Variants in TG observed in about 807,000 individuals in gnomAD.
TG encodes thyroglobulin.
Under a neutral mutation model 324.7 loss-of-function variants are expected in TG, and 270 were observed. The observed-to-expected ratio is 0.83, with a 90% confidence interval of 0.75 to 0.92. The LOEUF (loss-of-function observed/expected upper bound fraction) is 0.92, where lower values mean the gene tolerates loss of function less well. Ranked by LOEUF, TG falls within the 40% of genes least tolerant of loss-of-function variation. The pLI is 0.00. For missense variants in TG, 3,591 were observed against 3,456.4 expected, an observed-to-expected ratio of 1.04 and a Z score of -0.98; for synonymous variants, 1,401 against 1,327.0, an observed-to-expected ratio of 1.06 and a Z score of -1.21.
At chr8:133,132,340 A>G (rs570145958) in intron 46 of TG, among the ~76,000 whole-genome samples, 13 of 152,292 alleles carry the variant, frequency 8.5e-5, no homozygotes, top group Non-Finnish European at 1.2e-4. Context: ...AGAACCAAGC[A>G]TGTCGAATGT....
intron 41 of TG, chr8:133,050,540 T>G: frequency 2.8e-6 from 1 of 357,300 alleles, no homozygotes; most frequent in East Asian, 5.3e-5. Flanking sequence ...TGGTGGGAGA[T>G]AAGAAGAATA....
At chr8:132,891,537 A>G (rs991313754) in intron 10 of TG, among the ~76,000 whole-genome samples, 2 of 152,068 alleles carry the variant, frequency 1.3e-5, no homozygotes, top group Admixed American at 6.6e-5. Flanking sequence ...GTTTTACCAC[A>G]TTGTCCAGGC....
chr8:133,082,958 A>G (rs554453304), intron 41 of TG, among the ~76,000 whole-genome samples: 47 of 152,318 alleles, frequency 3.1e-4, no homozygotes, highest in African/African-American at 1.1e-3. Context: ...TGGGTGTGAA[A>G]TCATCTGTCA....
intron 41 of TG, among the ~76,000 whole-genome samples, chr8:133,072,424 G>A (rs1156602855): frequency 6.6e-6 from 1 of 152,200 alleles, no homozygotes; most frequent in Non-Finnish European, 1.5e-5. Context: ...TTTATTGCAG[G>A]AAGAGAGGGA....
intron 43 of TG, among the ~76,000 whole-genome samples, chr8:133,110,858 C>G (rs934026221): frequency 6.6e-6 from 1 of 152,132 alleles, no homozygotes; most frequent in Non-Finnish European, 1.5e-5. Context: ...CTGAGACTTC[C>G]TAGCTCTTCT....
At chr8:132,947,467 C>T (rs1302869231) in intron 26 of TG, among the ~76,000 whole-genome samples, 2 of 152,032 alleles carry the variant, frequency 1.3e-5, no homozygotes, top group Non-Finnish European at 2.9e-5. Context: ...TTAACAGTGG[C>T]CAGCAGAAGA....
intron 41 of TG, chr8:133,045,070 C>T (rs745463507): frequency 8.1e-6 from 13 of 1,613,968 alleles, no homozygotes; most frequent in Admixed American, 3.3e-5. Context: ...ACGGAAAATG[C>T]GGTAATGCTT....
intron 22 of TG, among the ~76,000 whole-genome samples, chr8:132,927,352 G>T (rs1178933522): frequency 1.3e-5 from 2 of 148,250 alleles, no homozygotes; most frequent in African/African-American, 2.5e-5. Context: ...GTTCAAATAT[G>T]ATCAGAATAT....
chr8:132,978,730 C>T (rs994718219), intron 34 of TG, among the ~76,000 whole-genome samples: 1 of 152,102 alleles, frequency 6.6e-6, no homozygotes, highest in Non-Finnish European at 1.5e-5. Context: ...TAGCCATAGG[C>T]AGTAGGTAGA....
At chr8:132,892,638 T>A (rs1816388123) in intron 10 of TG, among the ~76,000 whole-genome samples, 1 of 152,110 alleles carries the variant, frequency 6.6e-6, no homozygotes, top group Non-Finnish European at 1.5e-5. Flanking sequence ...TGCTCACGTG[T>A]GGGTGTGTAT....
intron 34 of TG, among the ~76,000 whole-genome samples, chr8:132,979,537 C>A (rs1830570302): frequency 6.6e-6 from 1 of 152,192 alleles, no homozygotes; most frequent in Non-Finnish European, 1.5e-5. Context: ...CATTCACATC[C>A]TATGAACAGC....
intron 16 of TG, among the ~76,000 whole-genome samples, chr8:132,902,050 T>A (rs1255019641): frequency 6.6e-6 from 1 of 152,202 alleles, no homozygotes; most frequent in East Asian, 1.9e-4. Flanking sequence ...AAATATATTA[T>A]TATTGATTTT....
At position 132,883,014 on chromosome 8, in the gene TG, G is replaced by C. The variant is rs759214364; in HGVS notation, c.1075+15G>C. On this transcript the variant is annotated intron_variant, in intron 8 of 47. Transcript: ENST00000220616. ...GCCATCTTGTGGTGGGTTTCCTCTG[G>C]GGGCTTCCTCTTTCGGCCTCGGATC... is the stretch of plus-strand genomic sequence containing the variant. The C allele has an allele frequency of 6.2e-7, 1 of 1,612,742 alleles. No homozygotes were observed. The highest frequency in any genetic ancestry group is 1.7e-5 in the Admixed American group (1 of 59,876).
At chr8:132,994,842 A>T in intron 35 of TG, 1 of 1,271,874 alleles carries the variant, frequency 7.9e-7, no homozygotes, top group South Asian at 1.3e-5. Context: ...GCTGGGTCAG[A>T]TGATGGAAAG....
At chr8:133,042,954 A>G (rs1452602672) in intron 41 of TG, among the ~76,000 whole-genome samples, 2 of 149,510 alleles carry the variant, frequency 1.3e-5, no homozygotes, top group Non-Finnish European at 3.0e-5. Flanking sequence ...TCAGCCTCCC[A>G]AAGTGCTGGA....
intron 16 of TG, 77 bp from the exon 17 acceptor site, chr8:132,906,611 G>A: frequency 2.6e-6 from 4 of 1,530,600 alleles, no homozygotes; most frequent in Non-Finnish European, 1.8e-6. Context: ...GTGAGAAGGA[G>A]ACACCCACAA....
At chr8:133,089,798 T>C (rs78750018) in intron 41 of TG, among the ~76,000 whole-genome samples, 3,497 of 152,264 alleles carry the variant, frequency 0.023, 143 homozygotes, top group African/African-American at 0.079. Flanking sequence ...AATCAGCCTC[T>C]GACCCCACTG....
At position 132,901,559 on chromosome 8, in the gene TG, T is replaced by A; in HGVS notation, c.3634+6T>A. On this transcript the variant is annotated splice_donor_region_variant and intron_variant, in intron 16 of 47. Coordinates refer to ENST00000220616, the MANE Select transcript of TG (RefSeq NM_003235.5). The stretch of plus-strand genomic sequence containing the variant: ...GGGCCAGCCCGCCTGTGAGAGTAAG[T>A]CATGACCCCCTGGGGGGACGACGAG... 2 of 1,612,016 alleles carry A rather than the reference T, an allele frequency of 1.2e-6. No individual in the cohort carries two copies. The highest frequency in any genetic ancestry group is 2.2e-5 in the South Asian group (2 of 90,854).
intron 41 of TG, among the ~76,000 whole-genome samples, chr8:133,058,675 C>G (rs1273764677): frequency 6.6e-6 from 1 of 152,178 alleles, no homozygotes; most frequent in African/African-American, 2.4e-5. Context: ...AAGAGCCCGG[C>G]ATTCTCCTGA....
Sources: allele counts gnomAD v4.1 joint callset (sites outside exome capture counted in the v4.1 genomes callset), GRCh38; gene constraint gnomAD v4.1.1; transcripts MANE v1.5; gene names NCBI Gene and HGNC (gene_info 2026-07-23, HGNC 2026-07-21).